Variants in DLG2 observed in about 807,000 individuals in gnomAD.
DLG2 encodes the protein discs large MAGUK scaffold protein 2, also known as disks large homolog 2.
DLG2 carries 45 observed loss-of-function variants against 132.5 expected under a neutral mutation model. The observed-to-expected ratio is 0.34, with a 90% CI of 0.27 to 0.44. DLG2 has a LOEUF of 0.44. DLG2 is among the 20% of genes least tolerant of loss of function. The probability of loss-of-function intolerance (pLI) is 1.00; values close to 1 mark genes in which losing one functional copy is unlikely to be tolerated. For synonymous variants in DLG2, 424 were observed against 419.6 expected (o/e 1.01, Z -0.13); for missense variants, 1,045 against 1,196.9 (o/e 0.87, Z 1.87).
At chr11:84,832,287 C>T (rs1486714188) in intron 6 of DLG2, among the ~76,000 whole-genome samples, 2 of 151,634 alleles carry the variant, frequency 1.3e-5, no homozygotes, top group Non-Finnish European at 3.0e-5. Context: ...AGCTGAAACA[C>T]TCAGGTTTTG....
intron 10 of DLG2, among the ~76,000 whole-genome samples, chr11:84,090,142 G>GC (rs2097063504): frequency 6.6e-6 from 1 of 152,176 alleles, no homozygotes; most frequent in African/African-American, 2.4e-5. Context: ...GGCCAGGCGC[G>GC]GTGGCTCACG....
At chr11:84,245,593 G>T (rs1032548689) in intron 8 of DLG2, among the ~76,000 whole-genome samples, 2 of 152,014 alleles carry the variant, frequency 1.3e-5, no homozygotes, top group Non-Finnish European at 2.9e-5. Flanking sequence ...CAAAATTTCA[G>T]CAACAAAGTG....
chr11:84,726,641 G>C (rs2062499631), intron 6 of DLG2, among the ~76,000 whole-genome samples: 1 of 152,148 alleles, frequency 6.6e-6, no homozygotes, highest in East Asian at 1.9e-4. Context: ...TAATGAGATT[G>C]CTGGGTCAAA....
At chr11:85,250,772 G>A (rs2076358966) in intron 4 of DLG2, among the ~76,000 whole-genome samples, 1 of 152,118 alleles carries the variant, frequency 6.6e-6, no homozygotes, top group African/African-American at 2.4e-5. Context: ...TTAAGTTTCA[G>A]AAGCTCTCCC....
rs1323569957 is a variant in DLG2 at position 83,455,893 on chromosome 11, G to T, written c.*3925C>A. ...ATTAATGTGATCAACTTAGGAATTAGCCTGAGTCCTTGGCTTAAATATATT... is the reference window on the plus strand; with the variant it reads ...ATTAATGTGATCAACTTAGGAATTATCCTGAGTCCTTGGCTTAAATATATT... On this transcript the variant is annotated 3_prime_UTR_variant, in exon 28 of 28. Coordinates refer to ENST00000376104, the MANE Select transcript of DLG2 (RefSeq NM_001142699.3). 1 of 152,444 alleles carries T rather than the reference G, an allele frequency of 6.6e-6. No individual in the cohort carries two copies. The highest frequency in any genetic ancestry group is 1.5e-5 in the Non-Finnish European group (1 of 68,052). The allele number at this position is 152,444 out of a possible 1,614,324, so 9.4% of individuals were successfully genotyped here.
chr11:85,190,723 C>A (rs1461486694), intron 4 of DLG2, among the ~76,000 whole-genome samples: 1 of 151,262 alleles, frequency 6.6e-6, no homozygotes, highest in Non-Finnish European at 1.5e-5. Flanking sequence ...TTATGAACAC[C>A]CCTATGCACA....
intron 2 of DLG2, among the ~76,000 whole-genome samples, chr11:85,613,253 C>T (rs1482177625): frequency 6.6e-6 from 1 of 152,140 alleles, no homozygotes; most frequent in Non-Finnish European, 1.5e-5. Context: ...TACCGATGGT[C>T]TTACAAATGG....
intron 18 of DLG2, among the ~76,000 whole-genome samples, chr11:83,698,654 T>A (rs1566588757): frequency 6.6e-6 from 1 of 152,248 alleles, no homozygotes; most frequent in African/African-American, 2.4e-5. Flanking sequence ...ATAATTGTAC[T>A]ATAGTTAAAT....
At chr11:85,149,683 T>C (rs1398132815) in intron 5 of DLG2, among the ~76,000 whole-genome samples, 1 of 152,216 alleles carries the variant, frequency 6.6e-6, no homozygotes, top group Non-Finnish European at 1.5e-5. Context: ...TAATATCATT[T>C]CTGTAGTGTT....
intron 18 of DLG2, among the ~76,000 whole-genome samples, chr11:83,689,068 A>G (rs780075105): frequency 6.6e-6 from 1 of 152,162 alleles, no homozygotes; most frequent in East Asian, 1.9e-4. Context: ...TAATAAATTT[A>G]ATAGATAATA....
At chr11:83,587,394 C>T (rs2097104049) in intron 19 of DLG2, among the ~76,000 whole-genome samples, 1 of 152,076 alleles carries the variant, frequency 6.6e-6, no homozygotes, top group Non-Finnish European at 1.5e-5. Context: ...CTCAGCCTCC[C>T]AAGTAGCTGG....
chr11:85,151,887 T>C (rs994998529), intron 5 of DLG2, among the ~76,000 whole-genome samples: 1 of 152,194 alleles, frequency 6.6e-6, no homozygotes, highest in Non-Finnish European at 1.5e-5. Context: ...AACTAACGCT[T>C]TTAAAATAAG....
At chr11:84,862,135 A>G (rs1361279496) in intron 6 of DLG2, among the ~76,000 whole-genome samples, 1 of 152,076 alleles carries the variant, frequency 6.6e-6, no homozygotes, top group Non-Finnish European at 1.5e-5. Context: ...ATGTATACAC[A>G]TGTAACTAAC....
At position 85,583,236 on chromosome 11, in the gene DLG2, GCTCACTGCAGC is replaced by G. The variant is rs567392125; in HGVS notation, c.40+15410_40+15420del. Among the ~76,000 whole-genome samples, 521 of 145,856 alleles carry G rather than the reference GCTCACTGCAGC, an allele frequency of 3.6e-3. 1 individual carries two copies. Among genetic ancestry groups the G allele is most frequent in the Non-Finnish European group, 6.1e-3 (407 of 66,566 alleles). ...GCTGGAGTGCAGTGGTGTGATCAGAGCTCACTGCAGCCTCAACCTCCCAAGCTCAAGGAATC... is the reference window on the plus strand; with the variant it reads ...GCTGGAGTGCAGTGGTGTGATCAGAGCTCAACCTCCCAAGCTCAAGGAATC... On this transcript the variant is annotated intron_variant, in intron 3 of 27. Coordinates refer to ENST00000376104, the MANE Select transcript of DLG2 (RefSeq NM_001142699.3).
chr11:85,361,941 T>C (rs564729626), intron 3 of DLG2, among the ~76,000 whole-genome samples: 22 of 152,302 alleles, frequency 1.4e-4, no homozygotes, highest in Admixed American at 6.5e-4. Context: ...GAGCATGGGA[T>C]TTTTTTCCAT....
At chr11:83,597,039 C>T (rs1238614734) in intron 19 of DLG2, among the ~76,000 whole-genome samples, 3 of 152,102 alleles carry the variant, frequency 2.0e-5, no homozygotes, top group African/African-American at 7.2e-5. Context: ...CTGTGATGAT[C>T]AAAGGAGATC....
At chr11:85,492,886 A>C (rs541050249) in intron 3 of DLG2, among the ~76,000 whole-genome samples, 1 of 152,254 alleles carries the variant, frequency 6.6e-6, no homozygotes, top group East Asian at 1.9e-4. Flanking sequence ...AAGAAAAAAT[A>C]AGTTGCCTTT....
At chr11:84,366,266 G>A (rs918918437) in intron 7 of DLG2, among the ~76,000 whole-genome samples, 1 of 151,932 alleles carries the variant, frequency 6.6e-6, no homozygotes, top group Non-Finnish European at 1.5e-5. Context: ...CAAATGCTGA[G>A]AGATTTTGTC....
In DLG2 at chr11:83,842,674, G is replaced by T. The variant is rs181675393; in HGVS notation, c.1566-8904C>A. On this transcript the variant is annotated intron_variant, in intron 16 of 27. Transcript: ENST00000376104. ...TACTAAAAATACAAAAAATTAGCCG[G>T]GCATGGTGGCGGGTGCCTGTAGCCC... Among the ~76,000 whole-genome samples the T allele has an allele frequency of 9.9e-3, 1,502 of 151,950 alleles. 25 individuals carry two copies. Among genetic ancestry groups the T allele is most frequent in the African/African-American group, 0.034 (1,402 of 41,412 alleles).
Sources: gnomAD v4.1 joint callset for allele counts (sites outside exome capture counted in the v4.1 genomes callset) on GRCh38, gnomAD v4.1.1 for gene constraint, MANE v1.5 for transcripts, NCBI Gene and HGNC (gene_info 2026-07-23, HGNC 2026-07-21) for gene names.